The following NF1 variants were observed in gnomAD, a reference collection of about 807,000 sequenced individuals.
NF1 encodes the protein neurofibromin.
NF1 carries 122 observed loss-of-function variants against 325.7 expected under a neutral mutation model. The observed-to-expected ratio is 0.37, with a 90% CI of 0.32 to 0.44. The LOEUF is 0.44. NF1 is among the 20% of genes least tolerant of loss of function. NF1 has a pLI of 1.00. For missense variants in NF1, 2,140 were observed against 3,415.4 expected, an observed-to-expected ratio of 0.63 and a Z score of 9.31; for synonymous variants, 1,091 against 1,186.0, an observed-to-expected ratio of 0.92 and a Z score of 1.65.
chr17:31,295,309 C>T, intron 36 of NF1: 2 of 1,614,092 alleles, frequency 1.2e-6, no homozygotes, highest in African/African-American at 2.7e-5. Context: ...AATTGATAGT[C>T]TCTGTGGATG....
chr17:31,183,116 A>G (rs562962757), intron 8 of NF1: 539 of 353,070 alleles, frequency 1.5e-3, no homozygotes, highest in Non-Finnish European at 2.1e-3. Flanking sequence ...TTTGCCAGGA[A>G]GGTAAGGCTC....
intron 8 of NF1, among the ~76,000 whole-genome samples, chr17:31,187,796 A>G (rs1000278708): frequency 6.6e-6 from 1 of 152,110 alleles, no homozygotes; most frequent in African/African-American, 2.4e-5. Flanking sequence ...TCTTAGTTCC[A>G]GAGGGAGGAA....
intron 27 of NF1, among the ~76,000 whole-genome samples, chr17:31,233,504 TTTAG>T (rs1045197578): frequency 8.5e-5 from 13 of 152,178 alleles, no homozygotes; most frequent in East Asian, 1.9e-4. Context: ...TAAACCTAAT[TTTAG>T]TTAGTTGTTG....
At chr17:31,230,120 G>A in intron 22 of NF1, 140 bp from the exon 23 acceptor site, 1 of 1,402,678 alleles carries the variant, frequency 7.1e-7, no homozygotes, top group Non-Finnish European at 1.0e-6. Flanking sequence ...GCCAGAAGTT[G>A]TGTACGTTCT....
intron 57 of NF1, among the ~76,000 whole-genome samples, chr17:31,364,356 G>A (rs541851076): frequency 3.3e-5 from 5 of 152,246 alleles, no homozygotes; most frequent in South Asian, 4.1e-4. Context: ...TGATCTGCAC[G>A]CATTCAATCC....
At chr17:31,235,814 TG>T (rs766425625) in intron 28 of NF1, 42 bp downstream of exon 28, 1 of 1,613,192 alleles carries the variant, frequency 6.2e-7, no homozygotes, top group Non-Finnish European at 8.5e-7. Context: ...TGCTGAGGTA[TG>T]TCAAGTAATG....
Position 31,338,812 on chromosome 17 carries a change from A to G in NF1, c.6921+7A>G. 1 of 1,566,492 alleles carries G rather than the reference A, an allele frequency of 6.4e-7. No individual in the cohort carries two copies. The highest frequency in any genetic ancestry group is 8.8e-7 in the Non-Finnish European group (1 of 1,136,684). ...ACAGCCACTTCTTAATAAGGTAATT[A>G]CTGTATAGAAAATGAGTGCATTCAT... On this transcript the variant is annotated splice_region_variant and intron_variant, in intron 46 of 57. Coordinates refer to ENST00000358273, the MANE Select transcript of NF1 (RefSeq NM_001042492.3).
chr17:31,099,626 C>A (rs575961149), intron 1 of NF1, among the ~76,000 whole-genome samples: 1 of 146,842 alleles, frequency 6.8e-6, no homozygotes, highest in Non-Finnish European at 1.5e-5. Context: ...ATGGGGAGAT[C>A]TCAGCATACT....
rs1597720068 is a variant in NF1, at chr17:31,233,119, T to C, written c.3614T>C (p.Phe1205Ser). The C allele has an allele frequency of 6.2e-7, 1 of 1,614,180 alleles. No individual in the cohort carries two copies. Among genetic ancestry groups the C allele is most frequent in the Non-Finnish European group, 8.5e-7 (1 of 1,180,026 alleles). The part of the protein sequence containing the change: ...TLAETVLADR[F>S]ERLVELVTMM... The stretch of plus-strand genomic sequence containing the variant: ...GCAGAAACAGTATTGGCTGATCGGT[T>C]TGAGAGATTGGTGGAACTGGTCACA... The change falls in exon 27 of 58, where the codon TTT (phenylalanine) becomes TCT (serine). Residue 1205 changes from phenylalanine (F) to serine (S), a missense_variant. This residue lies in a region of NF1 where 336 missense variants were observed against 399.0 expected (regional missense o/e 0.84). Coordinates refer to ENST00000358273, the MANE Select transcript of NF1 (RefSeq NM_001042492.3).
rs17882689 is a variant in NF1 at position 31,096,049 on chromosome 17, A to C, written c.60+680A>C. 1.5e-3 allele frequency among the ~76,000 whole-genome samples: 227 copies of C among 149,440 alleles called. 1 individual carries two copies. The highest frequency in any genetic ancestry group is 4.6e-3 in the South Asian group (22 of 4,750). ...CGTCCCCCATATCCTGATGACACAG[A>C]CTGCCTTTTTTTTTTATTGCCGTTT... On this transcript the variant is annotated intron_variant, in intron 1 of 57. Coordinates refer to ENST00000358273, the MANE Select transcript of NF1 (RefSeq NM_001042492.3).
At chr17:31,294,579 A>G (rs2068420663) in intron 36 of NF1, 1 of 187,630 alleles carries the variant, frequency 5.3e-6, no homozygotes, top group African/African-American at 2.4e-5. Context: ...AAGGTACCCT[A>G]GAACAAAAAT....
At chr17:31,304,397 G>A (rs2068650506) in intron 36 of NF1, 1 of 1,614,038 alleles carries the variant, frequency 6.2e-7, no homozygotes. Flanking sequence ...ACTGGTGGCA[G>A]GGGCAAGTTA....
intron 1 of NF1, among the ~76,000 whole-genome samples, chr17:31,099,212 G>A (rs1313110356): frequency 6.6e-6 from 1 of 152,150 alleles, no homozygotes; most frequent in East Asian, 1.9e-4. Flanking sequence ...GCTGATTACA[G>A]ACATATTGCA....
intron 36 of NF1, among the ~76,000 whole-genome samples, chr17:31,275,931 A>G (rs543138650): frequency 4.6e-5 from 7 of 152,044 alleles, no homozygotes; most frequent in Non-Finnish European, 8.8e-5. Context: ...GTTATAAAGA[A>G]TAGGACACAG....
chr17:31,311,794 GTTTC>G (rs759394284), intron 36 of NF1, among the ~76,000 whole-genome samples: 4 of 152,106 alleles, frequency 2.6e-5, no homozygotes, highest in Non-Finnish European at 4.4e-5. Context: ...TGCCAGAACC[GTTTC>G]TTTCTATCAC....
In NF1 at chr17:31,342,604, C is replaced by T. The variant is rs549101240; in HGVS notation, c.7063-405C>T. On this transcript the variant is annotated intron_variant, in intron 47 of 57. Transcript: ENST00000358273. ...CTCCATCTCAAAAAAAGAATATTTG[C>T]AAATGGAGCATTGCAAATGGGGCAT... Among the ~76,000 whole-genome samples the T allele has an allele frequency of 7.2e-5, 11 of 152,194 alleles. 1 individual carries two copies. The South Asian group carries it at 2.3e-3, about 32-fold the overall frequency.
chr17:31,367,139 T>G (rs1413381447), intron 57 of NF1: 2 of 699,328 alleles, frequency 2.9e-6, no homozygotes, highest in Non-Finnish European at 4.3e-6. Context: ...AACATTATAA[T>G]TATCTAGTAT....
chr17:31,130,083 TG>T (rs200061503), intron 1 of NF1, among the ~76,000 whole-genome samples: 1,979 of 145,628 alleles, frequency 0.014, 100 homozygotes, highest in African/African-American at 0.045. Context: ...TGTTTTTTTT[TG>T]TTTTTTTTTT....
chr17:31,196,869 C>G (rs1394437352), intron 8 of NF1, among the ~76,000 whole-genome samples: 1 of 152,142 alleles, frequency 6.6e-6, no homozygotes, highest in Non-Finnish European at 1.5e-5. Flanking sequence ...TTTCTAGGCT[C>G]TCTATTCCAT....
Sources: allele counts gnomAD v4.1 joint callset (sites outside exome capture counted in the v4.1 genomes callset), GRCh38; gene constraint gnomAD v4.1.1; regional missense constraint gnomAD v4.1.1; transcripts MANE v1.5; gene names NCBI Gene and HGNC (gene_info 2026-07-23, HGNC 2026-07-21).